The following CNTNAP4 variants were observed in gnomAD, a reference collection of about 807,000 sequenced individuals.
CNTNAP4 encodes the protein contactin associated protein family member 4, also known as contactin-associated protein-like 4.
Under a neutral mutation model 148.4 loss-of-function variants are expected in CNTNAP4, and 98 were observed. That is an observed-to-expected ratio of 0.66 (90% CI 0.56 to 0.78). The LOEUF (loss-of-function observed/expected upper bound fraction) is 0.78. Among genes scored for constraint, CNTNAP4 ranks in the 30% least tolerant of loss-of-function variants. The probability of loss-of-function intolerance (pLI) is 0.00; values close to 1 mark genes in which losing one functional copy is unlikely to be tolerated. For synonymous variants in CNTNAP4, 730 were observed against 565.1 expected (o/e 1.29, Z -4.14); for missense variants, 1,935 against 1,565.6 (o/e 1.24, Z -3.98).
intron 13 of CNTNAP4, among the ~76,000 whole-genome samples, chr16:76,491,865 T>C (rs1395739589): frequency 1.3e-5 from 2 of 152,180 alleles, no homozygotes; most frequent in Non-Finnish European, 2.9e-5. Context: ...TGTGTGTGTG[T>C]GTGTGTCACA....
chr16:76,467,246 A>G (rs772582259), intron 9 of CNTNAP4, 106 bp from the exon 10 acceptor site: 1 of 979,146 alleles, frequency 1.0e-6, no homozygotes, highest in Non-Finnish European at 1.5e-6. Flanking sequence ...CCTTTAATAC[A>G]GAAAATAATC....
intron 2 of CNTNAP4, among the ~76,000 whole-genome samples, chr16:76,317,252 C>CATATAAAGAAAAA (rs1961862741): frequency 1.2e-5 from 1 of 86,282 alleles, no homozygotes; most frequent in Non-Finnish European, 2.4e-5. Context: ...GACCCTGTCT[C>CATATAAAGAAAAA]AAAAAAAAAA....
At chr16:76,553,570 T>C (rs372094586) in intron 22 of CNTNAP4, 69 bp downstream of exon 22, 2 of 1,171,576 alleles carry the variant, frequency 1.7e-6, no homozygotes, top group Non-Finnish European at 2.4e-6. Flanking sequence ...AAACTTCTCA[T>C]GTGGCTTTCA....
intron 23 of CNTNAP4, among the ~76,000 whole-genome samples, chr16:76,557,053 C>T (rs558665078): frequency 9.8e-5 from 15 of 152,318 alleles, no homozygotes; most frequent in African/African-American, 3.6e-4. Flanking sequence ...ATTTGATTCA[C>T]ATTGCTATTT....
rs373536913 is a variant in CNTNAP4, at chr16:76,538,303, T to C, written c.3183T>C (p.Phe1061=). The change falls in exon 19 of 24, where the codon TTT becomes TTC. Residue 1061 remains phenylalanine (F), a synonymous_variant. Coordinates refer to ENST00000611870, the MANE Select transcript of CNTNAP4 (RefSeq NM_033401.5). ...GCTTGCTGCTTTTTGTGAGCTCCTT[T>C]TACAAAGAATACCTTTCTGTGATCA... ...TPSLLLFVSS[F]YKEYLSVIIA... The C allele has an allele frequency of 1.1e-5, 17 of 1,605,644 alleles. No individual in the cohort carries two copies. The African/African-American group carries it at 2.0e-4, about 19-fold the overall frequency.
chr16:76,473,822 T>C (rs1489092006), intron 10 of CNTNAP4, among the ~76,000 whole-genome samples: 2 of 150,434 alleles, frequency 1.3e-5, no homozygotes, highest in Non-Finnish European at 2.9e-5. Flanking sequence ...ATGTATATAT[T>C]CTTGGCAGGT....
chr16:76,512,322 G>A (rs2083060503), intron 15 of CNTNAP4, among the ~76,000 whole-genome samples: 1 of 152,102 alleles, frequency 6.6e-6, no homozygotes, highest in Non-Finnish European at 1.5e-5. Context: ...TCAAAGCAAG[G>A]AAACCATTTA....
intron 1 of CNTNAP4, among the ~76,000 whole-genome samples, chr16:76,290,838 C>T (rs879434390): frequency 3.9e-5 from 6 of 152,318 alleles, no homozygotes; most frequent in Non-Finnish European, 8.8e-5. Context: ...AATTTTGTCA[C>T]AGTTCTGGAG....
At chr16:76,414,204 C>G (rs1011324454) in intron 3 of CNTNAP4, among the ~76,000 whole-genome samples, 23 of 151,246 alleles carry the variant, frequency 1.5e-4, no homozygotes, top group African/African-American at 5.3e-4. Flanking sequence ...ATACTCTTTG[C>G]AGAGTTAGAC....
At chr16:76,403,094 ATT>A (rs796440968) in intron 3 of CNTNAP4, among the ~76,000 whole-genome samples, 11 of 129,802 alleles carry the variant, frequency 8.5e-5, no homozygotes, top group Non-Finnish European at 4.7e-5. Context: ...GTTGGGTTTT[ATT>A]TTTTTTTTTT....
At chr16:76,324,975 C>G (rs1272839014) in intron 2 of CNTNAP4, among the ~76,000 whole-genome samples, 1 of 152,160 alleles carries the variant, frequency 6.6e-6, no homozygotes. Context: ...TAGTAGTTAG[C>G]TACATTTCCA....
chr16:76,283,143 C>A (rs572729233), intron 1 of CNTNAP4, among the ~76,000 whole-genome samples: 1 of 152,064 alleles, frequency 6.6e-6, no homozygotes, highest in South Asian at 2.1e-4. Flanking sequence ...ATTGGCATTA[C>A]ATGGCTTTGA....
intron 2 of CNTNAP4, among the ~76,000 whole-genome samples, chr16:76,333,779 G>GC (rs1963757315): frequency 2.2e-5 from 1 of 45,606 alleles, no homozygotes; most frequent in Non-Finnish European, 4.3e-5. Flanking sequence ...TGGGTTATAG[G>GC]TTTTTTTTTT....
intron 2 of CNTNAP4, among the ~76,000 whole-genome samples, chr16:76,348,650 C>T (rs776413208): frequency 2.6e-5 from 4 of 152,058 alleles, no homozygotes; most frequent in Non-Finnish European, 5.9e-5. Context: ...TATCAAACGC[C>T]ACAGATTGTC....
At chr16:76,535,919 A>G (rs2084194286) in intron 18 of CNTNAP4, 135 bp downstream of exon 18, 2 of 873,114 alleles carry the variant, frequency 2.3e-6, no homozygotes, top group Non-Finnish European at 3.5e-6. Flanking sequence ...TATCTGTTGA[A>G]TGTAAAGAAT....
intron 3 of CNTNAP4, among the ~76,000 whole-genome samples, chr16:76,420,272 A>ATATATTAGAATAATGTATATTCT: frequency 6.6e-6 from 1 of 151,382 alleles, no homozygotes; most frequent in Non-Finnish European, 1.5e-5. Context: ...TATATTCTAT[A>ATATATTAGAATAATGTATATTCT]GGAGATAAAT....
rs1216482339 is a variant in CNTNAP4, at chr16:76,559,853, A to T, written c.*1170A>T. Among the ~76,000 whole-genome samples, 1 of 152,168 alleles carries T rather than the reference A, an allele frequency of 6.6e-6. No homozygotes were observed. Among genetic ancestry groups the T allele is most frequent in the African/African-American group, 2.4e-5 (1 of 41,450 alleles). On this transcript the variant is annotated 3_prime_UTR_variant, in exon 24 of 24. Transcript: ENST00000611870. ...GAAATATGAGCTGCAACCATCAGTG[A>T]TCTACACAATCAATAATTAAACAAT...
At chr16:76,313,155 C>G (rs1224535760) in intron 1 of CNTNAP4, among the ~76,000 whole-genome samples, 2 of 152,038 alleles carry the variant, frequency 1.3e-5, no homozygotes, top group Non-Finnish European at 2.9e-5. Context: ...TCTTTTAAAG[C>G]TAGAGGTAGA....
chr16:76,401,988 T>C (rs898228145), intron 3 of CNTNAP4, among the ~76,000 whole-genome samples: 2 of 152,206 alleles, frequency 1.3e-5, no homozygotes, highest in African/African-American at 4.8e-5. Flanking sequence ...ATCAAAAATA[T>C]TGTCCTGAAG....
Sources: allele counts gnomAD v4.1 joint callset (sites outside exome capture counted in the v4.1 genomes callset), GRCh38; gene constraint gnomAD v4.1.1; transcripts MANE v1.5; gene names NCBI Gene and HGNC (gene_info 2026-07-23, HGNC 2026-07-21).